GAS2L3: variants seen among roughly 807,000 people sequenced by gnomAD.
GAS2L3 encodes GAS2-like protein 3.
A neutral mutation model predicts 37.0 loss-of-function variants in GAS2L3; 28 were observed. The observed-to-expected ratio is 0.76, with a 90% CI of 0.56 to 1.04. The LOEUF (loss-of-function observed/expected upper bound fraction) is 1.04. Ranked by LOEUF, GAS2L3 falls within the 50% of genes least tolerant of loss-of-function variation. The pLI, the probability that GAS2L3 is intolerant of heterozygous loss-of-function variation, is 0.00. For synonymous variants in GAS2L3, 290 were observed against 296.6 expected, an observed-to-expected ratio of 0.98 and a Z score of 0.23; for missense variants, 793 against 817.6, an observed-to-expected ratio of 0.97 and a Z score of 0.37.
chr12:100,596,185 C>T (rs1344447374), intron 3 of GAS2L3, among the ~76,000 whole-genome samples: 1 of 152,050 alleles, frequency 6.6e-6, no homozygotes, highest in African/African-American at 2.4e-5. Context: ...TGGGTCCTCT[C>T]ACATCCACTT....
At chr12:100,615,993 A>G (rs1956182937) in intron 6 of GAS2L3, among the ~76,000 whole-genome samples, 1 of 152,038 alleles carries the variant, frequency 6.6e-6, no homozygotes, top group Non-Finnish European at 1.5e-5. Flanking sequence ...TACTAATTTG[A>G]TCATCAGCTT....
chr12:100,590,128 C>A (rs1351046474), intron 1 of GAS2L3, among the ~76,000 whole-genome samples: 1 of 152,162 alleles, frequency 6.6e-6, no homozygotes, highest in Non-Finnish European at 1.5e-5. Flanking sequence ...AGTAAACAGA[C>A]AACCCACAGA....
chr12:100,590,096 T>C (rs1280392508), intron 1 of GAS2L3, among the ~76,000 whole-genome samples: 1 of 152,126 alleles, frequency 6.6e-6, no homozygotes, highest in Non-Finnish European at 1.5e-5. Context: ...TTAGTTTGTA[T>C]AGCAAAAGGA....
At chr12:100,616,612 C>CA (rs1956190477) in intron 6 of GAS2L3, among the ~76,000 whole-genome samples, 2 of 111,200 alleles carry the variant, frequency 1.8e-5, no homozygotes, top group South Asian at 4.9e-4. Flanking sequence ...ATTAAAAAAA[C>CA]AAACAAACAA....
intron 1 of GAS2L3, among the ~76,000 whole-genome samples, chr12:100,581,650 G>A (rs1955714044): frequency 6.6e-6 from 1 of 152,186 alleles, no homozygotes; most frequent in South Asian, 2.1e-4. Flanking sequence ...TAGAAGTTAG[G>A]GAGTTCTTTT....
chr12:100,599,146 G>A (rs940153480), intron 3 of GAS2L3, among the ~76,000 whole-genome samples: 11 of 152,214 alleles, frequency 7.2e-5, no homozygotes, highest in South Asian at 2.1e-4. Context: ...TCTCCTATGC[G>A]TTTCTCTTAG....
rs1466778060 is a variant in GAS2L3, at chr12:100,601,716, A to C, written c.266A>C (p.Gln89Pro). 6.2e-7 allele frequency: 1 copy of C among 1,602,362 alleles called. No homozygotes were observed. The highest frequency in any genetic ancestry group is 2.2e-5 in the East Asian group (1 of 44,532). The change falls in exon 5 of 10, where the codon CAA becomes CCA. Residue 89 changes from glutamine (Q) to proline (P), a missense_variant. Physicochemically the swap from Gln to Pro is moderately conservative, Grantham distance 76. Coordinates refer to ENST00000547754, the MANE Select transcript of GAS2L3 (RefSeq NM_174942.3). Reference protein sequence around the residue: ...VLLCQLIDVLQNMVKTCNSEE... With the variant: ...VLLCQLIDVLPNMVKTCNSEE... ...TTATGTCAACTGATTGATGTTCTTCAAAACATGGTGAAAACATGCAACTCT... is the reference window on the plus strand; with the variant it reads ...TTATGTCAACTGATTGATGTTCTTCCAAACATGGTGAAAACATGCAACTCT...
At chr12:100,597,662 C>T (rs1286628229) in intron 3 of GAS2L3, among the ~76,000 whole-genome samples, 1 of 151,256 alleles carries the variant, frequency 6.6e-6, no homozygotes, top group Non-Finnish European at 1.5e-5. Context: ...TTTCCCTACC[C>T]CTGCATGCTT....
chr12:100,585,821 CT>C lies in GAS2L3; in HGVS notation c.-151-5914del, dbSNP rs1388838448. ...CTAGCTCAGTCACCATTGTTTGTCACTGAACTACTGCAGTGGACTCTTCCCT... is the reference window on the plus strand; with the variant it reads ...CTAGCTCAGTCACCATTGTTTGTCACGAACTACTGCAGTGGACTCTTCCCT... On this transcript the variant is annotated intron_variant, in intron 1 of 9. Transcript: ENST00000547754. Among the ~76,000 whole-genome samples the C allele has an allele frequency of 4.6e-5, 7 of 152,314 alleles. No individual in the cohort carries two copies. In the East Asian group the frequency reaches 1.4e-3, roughly 29 times the overall value.
At chr12:100,612,300 G>C (rs1196951241) in intron 6 of GAS2L3, 159 bp downstream of exon 6, 1 of 623,650 alleles carries the variant, frequency 1.6e-6, no homozygotes, top group African/African-American at 1.9e-5. Flanking sequence ...TGGAGAATCA[G>C]ATACTAAATC....
chr12:100,576,199 A>T (rs1022466275), intron 1 of GAS2L3, among the ~76,000 whole-genome samples: 3 of 152,094 alleles, frequency 2.0e-5, no homozygotes, highest in African/African-American at 7.2e-5. Context: ...GTATCTCCTC[A>T]TTTATATTTT....
intron 1 of GAS2L3, among the ~76,000 whole-genome samples, chr12:100,589,139 A>G (rs956232609): frequency 3.7e-4 from 57 of 152,354 alleles, no homozygotes; most frequent in African/African-American, 1.0e-3. Flanking sequence ...ATAAATGTCC[A>G]TATTAATATG....
chr12:100,620,048 CT>C (rs1956235116), intron 8 of GAS2L3, among the ~76,000 whole-genome samples: 1 of 151,932 alleles, frequency 6.6e-6, no homozygotes. Flanking sequence ...ATGATGTAAA[CT>C]TTTGAAAAAG....
chr12:100,588,225 GTTCT>G (rs1204169294), intron 1 of GAS2L3, among the ~76,000 whole-genome samples: 1 of 152,080 alleles, frequency 6.6e-6, no homozygotes, highest in Non-Finnish European at 1.5e-5. Context: ...TTCAGTGTAG[GTTCT>G]TTCTATTTTC....
chr12:100,612,821 G>A (rs1213066966), intron 6 of GAS2L3, among the ~76,000 whole-genome samples: 1 of 152,110 alleles, frequency 6.6e-6, no homozygotes, highest in Non-Finnish European at 1.5e-5. Context: ...GCAGGGCTGT[G>A]GGAGTTGTCT....
In GAS2L3 at chr12:100,624,779, A is replaced by G. The variant is rs1179679188; in HGVS notation, c.1974A>G (p.Pro658=). 1 of 1,613,790 alleles carries G rather than the reference A, an allele frequency of 6.2e-7. No individual in the cohort carries two copies. The highest frequency in any genetic ancestry group is 2.2e-5 in the East Asian group (1 of 44,888). The change falls in exon 10 of 10, where the codon CCA becomes CCG. Residue 658 remains proline, a synonymous_variant. Coordinates refer to ENST00000547754, the MANE Select transcript of GAS2L3 (RefSeq NM_174942.3). ...AAACCCCAGCTTCAATCAGGAAACC[A>G]CCCTCATCTGTTAAGGATGCAGATA... ...SGKTPASIRK[P]PSSVKDADSG...
In GAS2L3 at chr12:100,625,000, A is replaced by G; in HGVS notation, c.*110A>G. ...CTAAATAGGTGCAGACACTAAGGAT[A>G]GTGAGGATGGAGGCTGGGATGAGGA... On this transcript the variant is annotated 3_prime_UTR_variant, in exon 10 of 10. Transcript: ENST00000547754. 1.2e-6 allele frequency: 1 copy of G among 829,332 alleles called. No individual in the cohort carries two copies. The allele number at this position is 829,332 out of a possible 1,614,324, so 51.4% of individuals were successfully genotyped here.
Position 100,624,181 on chromosome 12 carries a change from C to T in GAS2L3, c.1376C>T (p.Thr459Ile). The change falls in exon 10 of 10, where the codon ACA becomes ATA. Residue 459 changes from threonine (T) to isoleucine (I), a missense_variant. Coordinates refer to ENST00000547754, the MANE Select transcript of GAS2L3 (RefSeq NM_174942.3). ...AQNSADLPES[T>I]LLPNKCSGKT... ...AATTCAGCAGATCTGCCCGAGTCCA[C>T]ACTTTTGCCAAATAAGTGTTCAGGA... 2 of 1,613,946 alleles carry T rather than the reference C, an allele frequency of 1.2e-6. No individual in the cohort carries two copies. The highest frequency in any genetic ancestry group is 1.7e-6 in the Non-Finnish European group (2 of 1,180,026).
intron 1 of GAS2L3, among the ~76,000 whole-genome samples, chr12:100,589,352 G>T (rs1257229041): frequency 6.7e-6 from 1 of 149,686 alleles, no homozygotes; most frequent in East Asian, 2.0e-4. Flanking sequence ...AAAAAAAAAT[G>T]AATATACCTA....
Sources: gnomAD v4.1 joint callset for allele counts (sites outside exome capture counted in the v4.1 genomes callset) on GRCh38, gnomAD v4.1.1 for gene constraint, MANE v1.5 for transcripts, NCBI Gene and HGNC (gene_info 2026-07-23, HGNC 2026-07-21) for gene names.